The following MICAL3 variants were observed in gnomAD, a reference collection of about 807,000 sequenced individuals.
The protein encoded by MICAL3 is microtubule associated monooxygenase, calponin and LIM domain containing 3.
A neutral mutation model predicts 207.4 loss-of-function variants in MICAL3; 62 were observed. That is an observed-to-expected ratio of 0.30 (90% CI 0.24 to 0.37). The LOEUF (loss-of-function observed/expected upper bound fraction) is 0.37. Ranked by LOEUF, MICAL3 falls within the 10% of genes least tolerant of loss-of-function variation. The pLI is 1.00. For missense variants in MICAL3, 2,368 were observed against 2,635.6 expected (o/e 0.90, Z 2.22); for synonymous variants, 1,077 against 1,069.3 (o/e 1.01, Z -0.14).
At chr22:17,904,517 G>C (rs1931572567) in intron 3 of MICAL3, 115 bp downstream of exon 3, 1 of 800,142 alleles carries the variant, frequency 1.2e-6, no homozygotes, top group East Asian at 2.4e-5. Context: ...ACAGTAATGA[G>C]ATTAGAAGAA....
chr22:17,973,062 G>A (rs1935489886), intron 1 of MICAL3, among the ~76,000 whole-genome samples: 1 of 152,268 alleles, frequency 6.6e-6, no homozygotes, highest in Admixed American at 6.5e-5. Flanking sequence ...TCTTTAAGGA[G>A]CATCCTGTGA....
intron 1 of MICAL3, chr22:18,005,518 C>A (rs1923329979): frequency 6.6e-6 from 1 of 152,148 alleles, no homozygotes; most frequent in Admixed American, 6.5e-5. Context: ...ATAGCAAAAC[C>A]TAAGCCACAG....
intron 19 of MICAL3, among the ~76,000 whole-genome samples, chr22:17,851,502 G>T (rs1219052107): frequency 5.3e-5 from 8 of 152,178 alleles, no homozygotes; most frequent in Admixed American, 5.2e-4. Context: ...ATCAGGGTAG[G>T]CAGTCAATAA....
chr22:17,967,911 C>T (rs940338395), intron 1 of MICAL3, among the ~76,000 whole-genome samples: 14 of 152,186 alleles, frequency 9.2e-5, no homozygotes, highest in Non-Finnish European at 1.6e-4. Context: ...GGCGTGGTCA[C>T]GCACACCTGT....
chr22:17,862,927 C>T, intron 19 of MICAL3: 1 of 985,360 alleles, frequency 1.0e-6, no homozygotes, highest in Non-Finnish European at 1.2e-6. Flanking sequence ...TTTGAACTCC[C>T]GTGCTATACC....
intron 1 of MICAL3, among the ~76,000 whole-genome samples, chr22:17,941,157 G>A (rs544144664): frequency 2.0e-5 from 3 of 152,230 alleles, no homozygotes; most frequent in South Asian, 2.1e-4. Context: ...TGCTCTCTTC[G>A]TCTCATAACA....
At chr22:17,974,218 C>CTGGG (rs1271690984) in intron 1 of MICAL3, among the ~76,000 whole-genome samples, 20 of 152,208 alleles carry the variant, frequency 1.3e-4, no homozygotes, top group African/African-American at 4.6e-4. Context: ...CTCCACCACC[C>CTGGG]TGCTGTCTGC....
At chr22:17,830,156 T>C (rs2146039196) in intron 21 of MICAL3, among the ~76,000 whole-genome samples, 1 of 152,152 alleles carries the variant, frequency 6.6e-6, no homozygotes, top group East Asian at 1.9e-4. Context: ...ACTCCCCTTC[T>C]ACAGCAGGGG....
At chr22:17,864,582 C>G in intron 19 of MICAL3, 1 of 1,479,386 alleles carries the variant, frequency 6.8e-7, no homozygotes, top group South Asian at 1.3e-5. Flanking sequence ...CTGGGCCGCC[C>G]TCAGGTGTGA....
rs1423104655 is a variant in MICAL3, at chr22:17,881,067, A to G, written c.2241+4811T>C. 1.0e-5 allele frequency: 8 copies of G among 770,454 alleles called. No homozygotes were observed. In the South Asian group the frequency reaches 1.3e-4, roughly 12 times the overall value. 47.7% of individuals were successfully genotyped at this position (770,454 alleles called of 1,614,324 possible). A position where few individuals can be genotyped will look rare whatever the true frequency, so the allele number is the denominator to read the frequency against. On this transcript the variant is annotated intron_variant, in intron 16 of 31. Coordinates refer to ENST00000441493, the MANE Select transcript of MICAL3 (RefSeq NM_015241.3). ...GGGCCATAAAAGTTGCTTCCACCAC[A>G]AACGGTTTCTACGCATAGCCTTTCT... is the stretch of plus-strand genomic sequence containing the variant.
chr22:17,919,193 T>C (rs1282448208), intron 1 of MICAL3, among the ~76,000 whole-genome samples: 1 of 151,756 alleles, frequency 6.6e-6, no homozygotes, highest in Non-Finnish European at 1.5e-5. Flanking sequence ...GGCTCCTGAG[T>C]AGCTGGGACC....
At chr22:17,894,949 C>T (rs770020866) in intron 10 of MICAL3, among the ~76,000 whole-genome samples, 12 of 152,054 alleles carry the variant, frequency 7.9e-5, no homozygotes, top group Non-Finnish European at 1.6e-4. Flanking sequence ...CACACGTGAC[C>T]GGCAGCAACA....
intron 1 of MICAL3, among the ~76,000 whole-genome samples, chr22:17,954,837 C>T (rs943730221): frequency 6.6e-6 from 1 of 151,908 alleles, no homozygotes; most frequent in Non-Finnish European, 1.5e-5. Flanking sequence ...ACCTCGCCCT[C>T]CCGGGTTCAA....
At chr22:17,925,511 G>GA in intron 1 of MICAL3, among the ~76,000 whole-genome samples, 1 of 152,110 alleles carries the variant, frequency 6.6e-6, no homozygotes, top group East Asian at 1.9e-4. Flanking sequence ...CGAGGAATGT[G>GA]AAAAAAGAAG....
At chr22:17,941,890 G>A (rs576982324) in intron 1 of MICAL3, among the ~76,000 whole-genome samples, 2 of 152,264 alleles carry the variant, frequency 1.3e-5, no homozygotes, top group Admixed American at 6.5e-5. Context: ...GGCCCAGGAG[G>A]GGGAAAGCAG....
Position 17,952,675 on chromosome 22 carries a change from G to A in MICAL3, c.-74-45789C>T, listed in dbSNP as rs560381261. ...TCCCAAGGCCTGCTGCCAAGGCAGG[G>A]GGTGGAGAGGTCCACACAGGCGGGG... On this transcript the variant is annotated intron_variant, in intron 1 of 31. Coordinates refer to ENST00000441493, the MANE Select transcript of MICAL3 (RefSeq NM_015241.3). 1.5e-3 allele frequency among the ~76,000 whole-genome samples: 227 copies of A among 152,240 alleles called. 2 individuals carry two copies. Among genetic ancestry groups the A allele is most frequent in the African/African-American group, 4.5e-3 (187 of 41,478 alleles).
In MICAL3 at chr22:17,896,711, G is replaced by A; in HGVS notation, c.1206+13C>T. 3 of 1,611,956 alleles carry A rather than the reference G, an allele frequency of 1.9e-6. No individual in the cohort carries two copies. Among genetic ancestry groups the A allele is most frequent in the Non-Finnish European group, 2.5e-6 (3 of 1,178,734 alleles). On this transcript the variant is annotated intron_variant, in intron 8 of 31. Coordinates refer to ENST00000441493, the MANE Select transcript of MICAL3 (RefSeq NM_015241.3). ...TGCCCCTACCACAGAGTGCTGCCATGCTTAGCACTCACCTCTAGGAGGCTG... is the reference window on the plus strand; with the variant it reads ...TGCCCCTACCACAGAGTGCTGCCATACTTAGCACTCACCTCTAGGAGGCTG...
chr22:17,886,123 G>T (rs1396442409), intron 15 of MICAL3, 72 bp from the exon 16 acceptor site: 1 of 1,531,322 alleles, frequency 6.5e-7, no homozygotes, highest in Non-Finnish European at 8.9e-7. Context: ...CCTCACAGAA[G>T]TGCACTCAGG....
intron 1 of MICAL3, among the ~76,000 whole-genome samples, chr22:17,913,632 C>T (rs1352426855): frequency 6.6e-6 from 1 of 152,062 alleles, no homozygotes; most frequent in African/African-American, 2.4e-5. Flanking sequence ...ACCCAGATAG[C>T]CTCTGGGTTC....
Sources: gnomAD v4.1 joint callset for allele counts (sites outside exome capture counted in the v4.1 genomes callset) on GRCh38, gnomAD v4.1.1 for gene constraint, MANE v1.5 for transcripts, NCBI Gene and HGNC (gene_info 2026-07-23, HGNC 2026-07-21) for gene names.